Variants in TRRAP observed in about 807,000 individuals in gnomAD.
The protein encoded by TRRAP is transformation/transcription domain-associated protein.
A neutral mutation model predicts 438.8 loss-of-function variants in TRRAP; 41 were observed. The observed-to-expected ratio is 0.09, with a 90% CI of 0.07 to 0.12. The LOEUF is 0.12. Ranked by LOEUF, TRRAP falls within the 10% of genes least tolerant of loss-of-function variation. The pLI is 1.00. For synonymous variants in TRRAP, 1,994 were observed against 1,962.9 expected (o/e 1.02, Z -0.42); for missense variants, 3,122 against 5,055.1 (o/e 0.62, Z 11.60).
chr7:98,927,812 C>T (rs1208455348), intron 23 of TRRAP, among the ~76,000 whole-genome samples: 4 of 152,142 alleles, frequency 2.6e-5, no homozygotes, highest in African/African-American at 2.4e-5. Context: ...CCAGGATCCT[C>T]ATTCTGCTGT....
intron 28 of TRRAP, 77 bp from the exon 29 acceptor site, chr7:98,937,079 A>G: frequency 6.8e-7 from 1 of 1,474,702 alleles, no homozygotes; most frequent in Non-Finnish European, 9.0e-7. Context: ...TAATAATAAT[A>G]AATAAATACA....
intron 70 of TRRAP, among the ~76,000 whole-genome samples, chr7:99,009,278 A>G (rs1287526981): frequency 6.6e-6 from 1 of 152,042 alleles, no homozygotes; most frequent in Non-Finnish European, 1.5e-5. Flanking sequence ...GGTCCTTTCT[A>G]TGGGTCCCAA....
At chr7:99,002,693 A>G (rs1016864685) in intron 67 of TRRAP, among the ~76,000 whole-genome samples, 2 of 152,136 alleles carry the variant, frequency 1.3e-5, no homozygotes, top group African/African-American at 4.8e-5. Flanking sequence ...CACAGAGCTT[A>G]AAATGAAAGG....
At chr7:99,002,166 G>A (rs1451033415) in intron 67 of TRRAP, among the ~76,000 whole-genome samples, 2 of 152,064 alleles carry the variant, frequency 1.3e-5, no homozygotes, top group Non-Finnish European at 2.9e-5. Flanking sequence ...GTGAAGGGCA[G>A]CCAAGGGCAT....
In TRRAP at chr7:99,011,445, T is replaced by A; in HGVS notation, c.11247T>A (p.Ile3749=). ...RPVPFRLTPN[I]SEFLTTIGVS... is the part of the protein sequence containing the mutation. ...TCCCATTTCGACTCACGCCCAACAT[T>A]TCTGAGTTTCTGACCACCATCGGGG... The change falls in exon 72 of 73, where the codon ATT becomes ATA. Residue 3749 remains isoleucine, a synonymous_variant. Transcript: ENST00000456197. This position sits in a 1 kb window ranked among gnomAD's most constrained non-coding sequence, Gnocchi z 7.1. The A allele has an allele frequency of 1.9e-6, 3 of 1,614,256 alleles. No homozygotes were observed. The highest frequency in any genetic ancestry group is 2.5e-6 in the Non-Finnish European group (3 of 1,180,048).
chr7:98,999,057 G>T, intron 67 of TRRAP: 2 of 964,750 alleles, frequency 2.1e-6, no homozygotes, highest in Non-Finnish European at 3.1e-6. Context: ...GGAGAAGGCA[G>T]CCATGACGGG....
chr7:98,930,100 T>C lies in TRRAP; in HGVS notation c.3287T>C (p.Ile1096Thr), dbSNP rs1790256289. 1.2e-6 allele frequency: 2 copies of C among 1,614,080 alleles called. No individual in the cohort carries two copies. The highest frequency in any genetic ancestry group is 1.3e-5 in the African/African-American group (1 of 74,934). ...GATCCTTTGGTTCTCATTGATGCAATTGCTATTTGTATGGCATATGAAGAA... is the reference window on the plus strand; with the variant it reads ...GATCCTTTGGTTCTCATTGATGCAACTGCTATTTGTATGGCATATGAAGAA... ...GMDPLVLIDA[I>T]AICMAYEEKE... Residue 1096 changes from isoleucine (I) to threonine (T), a missense_variant, in exon 24 of 73, where the codon ATT becomes ACT. Transcript: ENST00000456197.
chr7:98,906,612 T>C (rs1015036780), intron 13 of TRRAP, among the ~76,000 whole-genome samples: 6 of 151,902 alleles, frequency 3.9e-5, no homozygotes, highest in Non-Finnish European at 5.9e-5. Context: ...TTTGTATTTT[T>C]AGTAGAGATG....
intron 5 of TRRAP, among the ~76,000 whole-genome samples, chr7:98,893,309 C>T (rs1256469220): frequency 6.6e-6 from 1 of 152,142 alleles, no homozygotes; most frequent in African/African-American, 2.4e-5. Context: ...GAAAGATGAG[C>T]TTGGATTCTG....
At chr7:98,915,631 T>G (rs1789487722) in intron 18 of TRRAP, 92 bp from the exon 19 acceptor site, 4 of 1,473,688 alleles carry the variant, frequency 2.7e-6, no homozygotes, top group Middle Eastern at 4.8e-4. Context: ...TTGCCTTCCA[T>G]TGCTGTCGGA....
At chr7:98,965,430 A>T (rs147862258) in intron 48 of TRRAP, among the ~76,000 whole-genome samples, 1 of 152,190 alleles carries the variant, frequency 6.6e-6, no homozygotes, top group Non-Finnish European at 1.5e-5. Context: ...AGGGGCCATG[A>T]TTAGGACTTC....
At chr7:98,923,893 T>C (rs1480868726) in intron 21 of TRRAP, among the ~76,000 whole-genome samples, 1 of 152,254 alleles carries the variant, frequency 6.6e-6, no homozygotes, top group Non-Finnish European at 1.5e-5. Context: ...AGATTACTTT[T>C]GTGTGTGGTT....
rs759551512 is a variant in TRRAP at position 98,976,198 on chromosome 7, C to T, written c.7889C>T (p.Thr2630Met). Residue 2630 changes from threonine (T) to methionine (M), a missense_variant, in exon 54 of 73, where the codon ACG (threonine) becomes ATG (methionine). By Grantham distance (81) the Thr-to-Met change is moderately conservative. Coordinates refer to ENST00000456197, the MANE Select transcript of TRRAP (RefSeq NM_001375524.1). This position sits in a 1 kb window ranked among gnomAD's most constrained non-coding sequence, Gnocchi z 4.6. ...AFVQLCHIST[T>M]LAEKTWVQLF... is the part of the protein sequence containing the mutation. ...GTTCAGCTGTGCCACATTTCCACGA[C>T]GCTGGCAGAGAAGACGTGGGTCCAG... 51 of 1,614,030 alleles carry T rather than the reference C, an allele frequency of 3.2e-5. No homozygotes were observed. Among genetic ancestry groups the T allele is most frequent in the Admixed American group, 5.0e-5 (3 of 60,000 alleles).
At chr7:98,988,630 T>C (rs991813636) in intron 62 of TRRAP, 135 bp from the exon 63 acceptor site, 51 of 1,020,262 alleles carry the variant, frequency 5.0e-5, no homozygotes, top group Non-Finnish European at 6.7e-5. Context: ...GAGCGACTGC[T>C]TATGGGGCGG....
At chr7:99,010,800 G>A (rs1435353521) in intron 70 of TRRAP, among the ~76,000 whole-genome samples, 2 of 152,200 alleles carry the variant, frequency 1.3e-5, no homozygotes, top group African/African-American at 4.8e-5. Context: ...TCGCATATTA[G>A]GTAACTGCAG....
chr7:98,968,220 T>C (rs577043734), intron 51 of TRRAP, among the ~76,000 whole-genome samples: 4 of 152,246 alleles, frequency 2.6e-5, no homozygotes, highest in Admixed American at 2.0e-4. Context: ...GGTTTCACCA[T>C]GTTGCCCGGG....
intron 51 of TRRAP, among the ~76,000 whole-genome samples, chr7:98,968,688 G>C (rs1014683056): frequency 6.6e-6 from 1 of 152,238 alleles, no homozygotes; most frequent in Non-Finnish European, 1.5e-5. Flanking sequence ...AGCTGGGACA[G>C]AAGGTGGATT....
At chr7:98,993,790 T>G in intron 66 of TRRAP, 53 bp downstream of exon 66, 1 of 1,542,230 alleles carries the variant, frequency 6.5e-7, no homozygotes, top group East Asian at 2.3e-5. Context: ...GGACGTGGTG[T>G]TCTGTATGCT....
chr7:99,005,521 G>A lies in TRRAP; in HGVS notation c.10753+173G>A, dbSNP rs1439486169. Reference sequence around the variant, plus strand: ...AGGGAAGGCCTCAGGAAGAGGAGCAGCTCCAGGCCTTCAGGCTTCTCACTG... The same window carrying A: ...AGGGAAGGCCTCAGGAAGAGGAGCAACTCCAGGCCTTCAGGCTTCTCACTG... On this transcript the variant is annotated intron_variant, in intron 69 of 72. Coordinates refer to ENST00000456197, the MANE Select transcript of TRRAP (RefSeq NM_001375524.1). This position sits in a 1 kb window ranked among gnomAD's most constrained non-coding sequence, Gnocchi z 5.1. Among the ~76,000 whole-genome samples the A allele has an allele frequency of 6.6e-6, 1 of 152,184 alleles. No individual in the cohort carries two copies. Among genetic ancestry groups the A allele is most frequent in the African/African-American group, 2.4e-5 (1 of 41,442 alleles).
Sources: allele counts gnomAD v4.1 joint callset (sites outside exome capture counted in the v4.1 genomes callset), GRCh38; gene constraint gnomAD v4.1.1; non-coding constraint Gnocchi (gnomAD v3.1); transcripts MANE v1.5; gene names NCBI Gene and HGNC (gene_info 2026-07-23, HGNC 2026-07-21).